The following GSTA1 variants were observed in gnomAD, a reference collection of about 807,000 sequenced individuals.
GSTA1 encodes the protein glutathione S-transferase alpha 1, also known as glutathione S-transferase A1.
A neutral mutation model predicts 21.5 loss-of-function variants in GSTA1; 23 were observed. The observed-to-expected ratio is 1.07, with a 90% CI of 0.77 to 1.52. The LOEUF is 1.52. Among genes scored for constraint, GSTA1 ranks in the 40% most tolerant of loss-of-function variants. The pLI is 0.00. For synonymous variants in GSTA1, 125 were observed against 90.0 expected (o/e 1.39, Z -2.20); for missense variants, 301 against 264.2 (o/e 1.14, Z -0.96).
intron 4 of GSTA1, among the ~76,000 whole-genome samples, chr6:52,795,342 A>G (rs574520361): frequency 2.0e-5 from 3 of 152,178 alleles, no homozygotes; most frequent in Non-Finnish European, 2.9e-5. Flanking sequence ...TGGCTAAGGC[A>G]CATTTTTCTC....
At chr6:52,797,984 A>G (rs553028498) in intron 2 of GSTA1, among the ~76,000 whole-genome samples, 6 of 152,324 alleles carry the variant, frequency 3.9e-5, no homozygotes, top group Non-Finnish European at 8.8e-5. Context: ...TGTGTCTCCA[A>G]GTGAGATCAG....
chr6:52,797,677 T>C, intron 2 of GSTA1, 40 bp from the exon 3 acceptor site: 8 of 1,540,608 alleles, frequency 5.2e-6, no homozygotes, highest in Non-Finnish European at 6.3e-6. Flanking sequence ...GTTAGTTCAT[T>C]CTATTATAGA....
chr6:52,799,174 A>G lies in GSTA1; in HGVS notation c.87+7T>C, dbSNP rs778020438. 4 of 1,612,940 alleles carry G rather than the reference A, an allele frequency of 2.5e-6. No homozygotes were observed. The African/African-American group carries it at 4.0e-5, about 16-fold the overall frequency. On this transcript the variant is annotated splice_region_variant and intron_variant, in intron 2 of 6. Transcript: ENST00000334575. ...TCCAACTTAAGATGACCTAACTCAG[A>G]ACCTACCTCTACTCCAGCTGCAGCC... is the stretch of plus-strand genomic sequence containing the variant.
At chr6:52,800,067 G>T (rs1465399293) in intron 1 of GSTA1, among the ~76,000 whole-genome samples, 1 of 152,172 alleles carries the variant, frequency 6.6e-6, no homozygotes, top group Non-Finnish European at 1.5e-5. Flanking sequence ...ACTCTATGGG[G>T]TGCATTTTGT....
rs1052096 is a variant in GSTA1, at chr6:52,791,704, C to G, written c.*154G>C. 2.4e-6 allele frequency: 2 copies of G among 835,274 alleles called. No individual in the cohort carries two copies. The highest frequency in any genetic ancestry group is 1.8e-6 in the Non-Finnish European group (1 of 551,310). The allele number at this position is 835,274 out of a possible 1,614,324, so 51.7% of individuals were successfully genotyped here. Reference sequence around the variant, plus strand: ...GAAAACAAATCAATTTTAACTAAGTCAGCGAATAGGAGTTGTATTATTTAA... The same window carrying G: ...GAAAACAAATCAATTTTAACTAAGTGAGCGAATAGGAGTTGTATTATTTAA... On this transcript the variant is annotated 3_prime_UTR_variant, in exon 7 of 7. Transcript: ENST00000334575.
chr6:52,796,263 T>A lies in GSTA1; in HGVS notation c.191A>T (p.Lys64Met), dbSNP rs73740645. 1,483 of 1,613,740 alleles carry A rather than the reference T, an allele frequency of 9.2e-4. 15 individuals carry two copies. In the African/African-American group the frequency reaches 0.018, roughly 19 times the overall value. Residue 64 changes from lysine (K) to methionine (M), a missense_variant, in exon 4 of 7, where the codon AAG becomes ATG. Transcript: ENST00000334575. ...QVPMVEIDGM[K>M]LVQTRAILNY... Reference sequence around the variant, plus strand: ...GAGAATGGCTCTGGTCTGCACCAGCTTCATCCCATCAATCTCAACCATTGG... The same window carrying A: ...GAGAATGGCTCTGGTCTGCACCAGCATCATCCCATCAATCTCAACCATTGG...
Position 52,791,599 on chromosome 6 carries a change from C to A in GSTA1, c.*259G>T. On this transcript the variant is annotated 3_prime_UTR_variant, in exon 7 of 7. Transcript: ENST00000334575. ...AACAAACCACATAATCTATAGTTTC[C>A]TTTTTTACTGAATTTTTAATTCCAG... The A allele has an allele frequency of 2.5e-6, 1 of 400,986 alleles. No homozygotes were observed. The highest frequency in any genetic ancestry group is 4.4e-6 in the Non-Finnish European group (1 of 226,650). 24.8% of individuals were successfully genotyped at this position (400,986 alleles called of 1,614,324 possible).
At chr6:52,794,989 C>A (rs1763542547) in intron 4 of GSTA1, among the ~76,000 whole-genome samples, 1 of 152,162 alleles carries the variant, frequency 6.6e-6, no homozygotes, top group Non-Finnish European at 1.5e-5. Flanking sequence ...ATAATTGCCA[C>A]CAGGTATATT....
chr6:52,802,629 A>C (rs1276260628), intron 1 of GSTA1, among the ~76,000 whole-genome samples: 4 of 152,090 alleles, frequency 2.6e-5, no homozygotes, highest in Non-Finnish European at 5.9e-5. Flanking sequence ...ATCTATGTAT[A>C]TGTATCTATT....
At chr6:52,793,834 G>C (rs1267913768) in intron 5 of GSTA1, among the ~76,000 whole-genome samples, 1 of 152,154 alleles carries the variant, frequency 6.6e-6, no homozygotes, top group African/African-American at 2.4e-5. Flanking sequence ...GCAACCTCTA[G>C]TGTGGTCCAG....
intron 4 of GSTA1, among the ~76,000 whole-genome samples, chr6:52,794,543 A>C (rs1468004525): frequency 6.6e-6 from 1 of 152,214 alleles, no homozygotes; most frequent in African/African-American, 2.4e-5. Flanking sequence ...AAATTGGCAG[A>C]ATCACTGCCA....
chr6:52,793,934 T>C (rs1021053801), intron 5 of GSTA1, among the ~76,000 whole-genome samples, 191 bp downstream of exon 5: 1 of 152,190 alleles, frequency 6.6e-6, no homozygotes, highest in Non-Finnish European at 1.5e-5. Context: ...TGGAAAAGTA[T>C]AGCTTGGGTA....
At chr6:52,794,063 G>T in intron 5 of GSTA1, 62 bp downstream of exon 5, 1 of 1,602,310 alleles carries the variant, frequency 6.2e-7, no homozygotes, top group Non-Finnish European at 8.5e-7. Flanking sequence ...GGAATGCCCA[G>T]CCACTATTTT....
Position 52,794,109 on chromosome 6 carries a change from G to T in GSTA1, c.414+16C>A. Reference sequence around the variant, plus strand: ...TCTAAACTCAGTTCCCCAAAACACTGAACTGCTTCACTTACTTTTTCAAAG... The same window carrying T: ...TCTAAACTCAGTTCCCCAAAACACTTAACTGCTTCACTTACTTTTTCAAAG... On this transcript the variant is annotated intron_variant, in intron 5 of 6. Coordinates refer to ENST00000334575, the MANE Select transcript of GSTA1 (RefSeq NM_145740.5). The T allele has an allele frequency of 6.2e-7, 1 of 1,613,350 alleles. No individual in the cohort carries two copies. The highest frequency in any genetic ancestry group is 1.1e-5 in the South Asian group (1 of 91,066).
At chr6:52,796,527 G>GTATATA (rs1414102470) in intron 3 of GSTA1, among the ~76,000 whole-genome samples, 29 of 59,620 alleles carry the variant, frequency 4.9e-4, no homozygotes, top group South Asian at 3.2e-3. Context: ...GTGTGTGTGT[G>GTATATA]TGTATATATA....
At chr6:52,792,779 G>A in intron 6 of GSTA1, 77 bp downstream of exon 6, 1 of 1,611,696 alleles carries the variant, frequency 6.2e-7, no homozygotes, top group Non-Finnish European at 8.5e-7. Context: ...GCAAAACTTG[G>A]TCAGTCGCAG....
chr6:52,799,066 C>T, intron 2 of GSTA1, 115 bp downstream of exon 2: 1 of 933,844 alleles, frequency 1.1e-6, no homozygotes, highest in East Asian at 2.4e-5. Context: ...TAATTACAGT[C>T]CATTTTTATT....
chr6:52,802,938 G>A (rs1413556630), intron 1 of GSTA1, among the ~76,000 whole-genome samples: 7 of 152,086 alleles, frequency 4.6e-5, no homozygotes, highest in Non-Finnish European at 8.8e-5. Context: ...AATTTTCAGT[G>A]AATGTCCAAG....
At chr6:52,799,114 T>C in intron 2 of GSTA1, 67 bp downstream of exon 2, 2 of 1,443,114 alleles carry the variant, frequency 1.4e-6, no homozygotes, top group East Asian at 2.3e-5. Context: ...TCTCATAGTT[T>C]CTGTGGGAAA....
Sources: gnomAD v4.1 joint callset for allele counts (sites outside exome capture counted in the v4.1 genomes callset) on GRCh38, gnomAD v4.1.1 for gene constraint, MANE v1.5 for transcripts, NCBI Gene and HGNC (gene_info 2026-07-23, HGNC 2026-07-21) for gene names.